CDK2: variants seen among roughly 807,000 people sequenced by gnomAD.
The protein encoded by CDK2 is cyclin dependent kinase 2.
In CDK2, 8 loss-of-function variants were observed where a neutral mutation model predicts 35.0. The observed-to-expected ratio is 0.23, with a 90% CI of 0.13 to 0.41. The LOEUF (loss-of-function observed/expected upper bound fraction) is 0.41, where lower values mean the gene tolerates loss of function less well. CDK2 is among the 10% of genes least tolerant of loss of function. The probability of loss-of-function intolerance (pLI) is 1.00; values close to 1 mark genes in which losing one functional copy is unlikely to be tolerated. For missense variants in CDK2, 201 were observed against 367.1 expected (o/e 0.55, Z 3.70); for synonymous variants, 134 against 137.7 (o/e 0.97, Z 0.19).
chr12:55,969,455 T>C lies in CDK2; in HGVS notation c.487-20T>C. 7.0e-7 allele frequency: 1 copy of C among 1,431,432 alleles called. No individual in the cohort carries two copies. The highest frequency in any genetic ancestry group is 9.8e-7 in the Non-Finnish European group (1 of 1,021,696). The allele number at this position is 1,431,432 out of a possible 1,614,324, so 88.7% of individuals were successfully genotyped here. A position where few individuals can be genotyped will look rare whatever the true frequency, so the allele number is the denominator to read the frequency against. ...CATACCCTATAAACCACCCCGCCCC[T>C]CCCTATTCCCGTCCCTCAGGTGGTG... On this transcript the variant is annotated intron_variant, in intron 4 of 6. Transcript: ENST00000266970.
intron 1 of CDK2, 181 bp from the exon 2 acceptor site, chr12:55,967,676 A>G (rs1370822330): frequency 5.0e-6 from 3 of 604,164 alleles, no homozygotes; most frequent in Non-Finnish European, 8.9e-6. Context: ...TAATGGCCTT[A>G]ATATATCCAA....
chr12:55,967,027 G>T lies in CDK2; in HGVS notation c.19G>T (p.Val7Leu). The part of the protein sequence containing the change: MENFQK[V>L]EKIGEGTYGV... ...GCGCTTCATGGAGAACTTCCAAAAGGTGGAAAAGATCGGAGAGGGCACGTA... is the reference window on the plus strand; with the variant it reads ...GCGCTTCATGGAGAACTTCCAAAAGTTGGAAAAGATCGGAGAGGGCACGTA... Residue 7 changes from valine (V) to leucine (L), a missense_variant, in exon 1 of 7, where the codon GTG becomes TTG. Val to Leu is a conservative substitution (Grantham distance 32). Coordinates refer to ENST00000266970, the MANE Select transcript of CDK2 (RefSeq NM_001798.5). 1 of 1,613,506 alleles carries T rather than the reference G, an allele frequency of 6.2e-7. No individual in the cohort carries two copies. Among genetic ancestry groups the T allele is most frequent in the Non-Finnish European group, 8.5e-7 (1 of 1,179,802 alleles).
At position 55,971,668 on chromosome 12, in the gene CDK2, C is replaced by T. The variant is rs780438038; in HGVS notation, c.*43C>T. On this transcript the variant is annotated 3_prime_UTR_variant, in exon 7 of 7. Coordinates refer to ENST00000266970, the MANE Select transcript of CDK2 (RefSeq NM_001798.5). ...CCAGCCCTAATCTCACCCTCTCCTC[C>T]AGTGTGGGCTTGACCAGGCTTGGCC... is the stretch of plus-strand genomic sequence containing the variant. 6.9e-7 allele frequency: 1 copy of T among 1,442,396 alleles called. No individual in the cohort carries two copies. Among genetic ancestry groups the T allele is most frequent in the South Asian group, 1.1e-5 (1 of 87,598 alleles). 89.3% of individuals were successfully genotyped at this position (1,442,396 alleles called of 1,614,324 possible).
rs1211487870 is a variant in CDK2, at chr12:55,971,211, A to G, written c.756A>G (p.Val252=). 1 of 1,613,658 alleles carries G rather than the reference A, an allele frequency of 6.2e-7. No homozygotes were observed. Among genetic ancestry groups the G allele is most frequent in the Non-Finnish European group, 8.5e-7 (1 of 1,179,900 alleles). Residue 252 remains valine (V), a synonymous_variant, in exon 6 of 7, where the codon GTA becomes GTG. Coordinates refer to ENST00000266970, the MANE Select transcript of CDK2 (RefSeq NM_001798.5). The stretch of plus-strand genomic sequence containing the variant: ...CCCGGCAAGATTTTAGTAAAGTTGT[A>G]CCTCCCCTGGATGAAGATGGACGGA... ...KWARQDFSKV[V]PPLDEDGRSL...
At position 55,971,704 on chromosome 12, in the gene CDK2, T is replaced by G; in HGVS notation, c.*79T>G. 9.8e-7 allele frequency: 1 copy of G among 1,015,458 alleles called. No individual in the cohort carries two copies. The highest frequency in any genetic ancestry group is 1.3e-5 in the South Asian group (1 of 74,816). 62.9% of individuals were successfully genotyped at this position (1,015,458 alleles called of 1,614,324 possible). A position where few individuals can be genotyped will look rare whatever the true frequency, so the allele number is the denominator to read the frequency against. ...TGACCAGGCTTGGCCTTGGGCTATT[T>G]GGACTCAGGTGGGCCCTCTGAACTT... On this transcript the variant is annotated 3_prime_UTR_variant, in exon 7 of 7. Coordinates refer to ENST00000266970, the MANE Select transcript of CDK2 (RefSeq NM_001798.5).
Position 55,971,509 on chromosome 12 carries a change from C to A in CDK2, c.793-12C>A. On this transcript the variant is annotated splice_polypyrimidine_tract_variant and intron_variant, in intron 6 of 6. Transcript: ENST00000266970. Reference sequence around the variant, plus strand: ...TCACATCATTGAAGTCAACATGCATCTCTCCCTCTAGCAAATGCTGCACTA... The same window carrying A: ...TCACATCATTGAAGTCAACATGCATATCTCCCTCTAGCAAATGCTGCACTA... 3 of 1,599,302 alleles carry A rather than the reference C, an allele frequency of 1.9e-6. No individual in the cohort carries two copies. Among genetic ancestry groups the A allele is most frequent in the South Asian group, 2.2e-5 (2 of 90,758 alleles).
At chr12:55,967,379 T>C in intron 1 of CDK2, 1 of 520,366 alleles carries the variant, frequency 1.9e-6, no homozygotes, top group South Asian at 2.3e-5. Flanking sequence ...AATGTGCGAC[T>C]ACAGACTCGG....
chr12:55,967,192 G>A (rs1889344032), intron 1 of CDK2, 68 bp downstream of exon 1: 2 of 1,229,984 alleles, frequency 1.6e-6, no homozygotes, highest in African/African-American at 3.0e-5. Context: ...AACCCCCCAC[G>A]GGCGGGTAGC....
At position 55,968,318 on chromosome 12, in the gene CDK2, C is replaced by A. The variant is rs1889389196; in HGVS notation, c.315+149C>A. Reference sequence around the variant, plus strand: ...TCCCCTTCTTTTTGTGTCTCCTTCCCTGCTCATTATATTCATTAACCCTAG... The same window carrying A: ...TCCCCTTCTTTTTGTGTCTCCTTCCATGCTCATTATATTCATTAACCCTAG... On this transcript the variant is annotated intron_variant, in intron 3 of 6. Coordinates refer to ENST00000266970, the MANE Select transcript of CDK2 (RefSeq NM_001798.5). 9 of 769,834 alleles carry A rather than the reference C, an allele frequency of 1.2e-5. No homozygotes were observed. The South Asian group carries it at 1.7e-4, about 14-fold the overall frequency. 47.7% of individuals were successfully genotyped at this position (769,834 alleles called of 1,614,324 possible). A position where few individuals can be genotyped will look rare whatever the true frequency, so the allele number is the denominator to read the frequency against.
chr12:55,968,802 G>A lies in CDK2; in HGVS notation c.340G>A (p.Gly114Ser). 6.2e-7 allele frequency: 1 copy of A among 1,604,236 alleles called. No homozygotes were observed. The highest frequency in any genetic ancestry group is 8.5e-7 in the Non-Finnish European group (1 of 1,175,998). The part of the protein sequence containing the change: ...IKSYLFQLLQ[G>S]LAFCHSHRVL... ...GAGCTATCTGTTCCAGCTGCTCCAG[G>A]GCCTAGCTTTCTGCCATTCTCATCG... The change falls in exon 4 of 7, where the codon GGC becomes AGC. Residue 114 changes from glycine (G) to serine (S), a missense_variant. Coordinates refer to ENST00000266970, the MANE Select transcript of CDK2 (RefSeq NM_001798.5).
chr12:55,971,260 A>G lies in CDK2; in HGVS notation c.792+13A>G. On this transcript the variant is annotated intron_variant, in intron 6 of 6. Coordinates refer to ENST00000266970, the MANE Select transcript of CDK2 (RefSeq NM_001798.5). The stretch of plus-strand genomic sequence containing the variant: ...GAGCTTGTTATCGGTGAGAGTGGGC[A>G]CCTGTTTTCCCTCATTCATTTCTCC... The G allele has an allele frequency of 6.2e-7, 1 of 1,611,650 alleles. No individual in the cohort carries two copies. Among genetic ancestry groups the G allele is most frequent in the Non-Finnish European group, 8.5e-7 (1 of 1,177,856 alleles).
At chr12:55,970,957 T>C (rs774068821) in intron 5 of CDK2, 87 bp from the exon 6 acceptor site, 1 of 1,166,930 alleles carries the variant, frequency 8.6e-7, no homozygotes, top group East Asian at 2.3e-5. Flanking sequence ...GCTGACCTTT[T>C]ACTGTCTGTG....
At chr12:55,970,908 A>T (rs1197007762) in intron 5 of CDK2, 136 bp from the exon 6 acceptor site, 1 of 784,908 alleles carries the variant, frequency 1.3e-6, no homozygotes, top group Non-Finnish European at 2.3e-6. Flanking sequence ...TGTGTGACTG[A>T]CCCCATGAAA....
chr12:55,966,941 G>A lies in CDK2; in HGVS notation c.-68G>A, dbSNP rs1889330458. 1.5e-6 allele frequency: 2 copies of A among 1,301,518 alleles called. No individual in the cohort carries two copies. Among genetic ancestry groups the A allele is most frequent in the African/African-American group, 2.9e-5 (2 of 68,314 alleles). The allele number at this position is 1,301,518 out of a possible 1,614,324, so 80.6% of individuals were successfully genotyped here. ...CCCCTCCTCGGCCCCCGAGAGCCAG[G>A]GTCCGCCTTCTGCAGGGTTCCCAGG... On this transcript the variant is annotated 5_prime_UTR_variant, in exon 1 of 7. Coordinates refer to ENST00000266970, the MANE Select transcript of CDK2 (RefSeq NM_001798.5).
intron 5 of CDK2, among the ~76,000 whole-genome samples, chr12:55,970,288 C>CAAAAAAAAAAA (rs60371110): frequency 4.6e-5 from 1 of 21,842 alleles, no homozygotes; most frequent in Non-Finnish European, 1.5e-4. Context: ...GATTCCATCT[C>CAAAAAAAAAAA]AAAAAAAAAA....
rs762690768 is a variant in CDK2, at chr12:55,969,537, T to G, written c.549T>G (p.Ala183=). The change falls in exon 5 of 7, where the codon GCT becomes GCG. Residue 183 remains alanine (A), a synonymous_variant. Coordinates refer to ENST00000266970, the MANE Select transcript of CDK2 (RefSeq NM_001798.5). ...ILLGCKYYST[A]VDIWSLGCIF... is the part of the protein sequence containing the mutation. ...TGGGCTGCAAATATTATTCCACAGC[T>G]GTGGACATCTGGAGCCTGGGCTGCA... is the stretch of plus-strand genomic sequence containing the variant. The G allele has an allele frequency of 8.1e-6, 13 of 1,610,594 alleles. No homozygotes were observed. In the South Asian group the frequency reaches 1.4e-4, roughly 18 times the overall value.
intron 2 of CDK2, 45 bp downstream of exon 2, chr12:55,967,979 G>A (rs1420062383): frequency 5.6e-6 from 9 of 1,613,672 alleles, no homozygotes; most frequent in South Asian, 2.2e-5. Context: ...AGGAGGATAA[G>A]TTCTGTCTGT....
At chr12:55,970,036 C>T (rs1889432540) in intron 5 of CDK2, among the ~76,000 whole-genome samples, 1 of 152,020 alleles carries the variant, frequency 6.6e-6, no homozygotes. Context: ...AATACCAGCA[C>T]TTTGGGAGGC....
intron 3 of CDK2, 81 bp from the exon 4 acceptor site, chr12:55,968,697 A>G: frequency 9.7e-7 from 1 of 1,034,036 alleles, no homozygotes. Flanking sequence ...TAAAGGCTTT[A>G]GTAGAGTTTT....
Sources: gnomAD v4.1 joint callset for allele counts (sites outside exome capture counted in the v4.1 genomes callset) on GRCh38, gnomAD v4.1.1 for gene constraint, MANE v1.5 for transcripts, NCBI Gene and HGNC (gene_info 2026-07-23, HGNC 2026-07-21) for gene names.